CHODL: variants seen among roughly 807,000 people sequenced by gnomAD.
CHODL encodes the protein chondrolectin.
A neutral mutation model predicts 34.5 loss-of-function variants in CHODL; 29 were observed. The ratio of observed to expected loss-of-function variants is 0.84; its 90% CI spans 0.63 to 1.15. The LOEUF is 1.15. Ranked by LOEUF, CHODL falls within the 50% of genes most tolerant of loss-of-function variation. The pLI, the probability that CHODL is intolerant of heterozygous loss-of-function variation, is 0.00. For synonymous variants in CHODL, 125 were observed against 116.1 expected, an observed-to-expected ratio of 1.08 and a Z score of -0.49; for missense variants, 332 against 332.5, an observed-to-expected ratio of 1.00 and a Z score of 0.01.
chr21:17,996,749 A>G (rs2063853514), intron 1 of CHODL, among the ~76,000 whole-genome samples: 1 of 152,204 alleles, frequency 6.6e-6, no homozygotes. Flanking sequence ...AGACTGAAGT[A>G]CTTCATGAAT....
chr21:18,106,553 T>C (rs1406635031), intron 2 of CHODL, among the ~76,000 whole-genome samples: 2 of 151,184 alleles, frequency 1.3e-5, no homozygotes, highest in Non-Finnish European at 2.9e-5. Context: ...TGGAGTGCAG[T>C]GGCTTGATCT....
intron 1 of CHODL, among the ~76,000 whole-genome samples, chr21:17,980,949 C>T (rs1360737007): frequency 3.3e-5 from 5 of 152,138 alleles, no homozygotes; most frequent in African/African-American, 9.7e-5. Context: ...CTTGTTAATA[C>T]CTGTGTGACC....
chr21:17,922,796 T>C (rs982916889), intron 1 of CHODL, among the ~76,000 whole-genome samples: 3 of 152,126 alleles, frequency 2.0e-5, no homozygotes, highest in African/African-American at 7.2e-5. Context: ...TCTCAGTTAA[T>C]TTAGAGAGTT....
At chr21:17,979,966 C>G (rs1332524009) in intron 1 of CHODL, among the ~76,000 whole-genome samples, 2 of 152,016 alleles carry the variant, frequency 1.3e-5, no homozygotes, top group East Asian at 3.9e-4. Flanking sequence ...CAAAAATGTT[C>G]TATTCCATGA....
chr21:17,933,468 T>C (rs960898861), intron 1 of CHODL, among the ~76,000 whole-genome samples: 1 of 152,202 alleles, frequency 6.6e-6, no homozygotes, highest in African/African-American at 2.4e-5. Flanking sequence ...ACTTCAAGCA[T>C]CTGTTTAACA....
intron 2 of CHODL, among the ~76,000 whole-genome samples, chr21:18,048,861 G>A (rs573368518): frequency 2.8e-4 from 43 of 151,814 alleles, no homozygotes; most frequent in Non-Finnish European, 5.2e-4. Flanking sequence ...CTACTCTCCA[G>A]CCACTTTAGA....
At chr21:18,068,343 C>T (rs916383881) in intron 2 of CHODL, among the ~76,000 whole-genome samples, 1 of 151,818 alleles carries the variant, frequency 6.6e-6, no homozygotes. Context: ...TTTACAGGCA[C>T]CCGCCACTAC....
chr21:18,000,917 C>T (rs1465284435), intron 1 of CHODL, among the ~76,000 whole-genome samples: 2 of 152,012 alleles, frequency 1.3e-5, no homozygotes, highest in East Asian at 3.8e-4. Context: ...CAACACTGAA[C>T]TTTCCGAAAA....
chr21:18,155,618 G>A (rs2073024910), intron 2 of CHODL, among the ~76,000 whole-genome samples: 1 of 152,182 alleles, frequency 6.6e-6, no homozygotes, highest in South Asian at 2.1e-4. Flanking sequence ...GGTTGTTAGA[G>A]AAACCTTGTG....
At chr21:18,018,946 T>A (rs1224834027) in intron 1 of CHODL, among the ~76,000 whole-genome samples, 2 of 152,246 alleles carry the variant, frequency 1.3e-5, no homozygotes, top group East Asian at 3.8e-4. Flanking sequence ...AACCTTCTAA[T>A]ACCCTCCATG....
intron 1 of CHODL, among the ~76,000 whole-genome samples, chr21:18,003,059 G>T (rs1265317347): frequency 6.6e-6 from 1 of 151,036 alleles, no homozygotes; most frequent in Non-Finnish European, 1.5e-5. Context: ...GGGGGGCGGA[G>T]TGTGCAGTGA....
chr21:18,193,931 A>G (rs1466732352), intron 2 of CHODL, among the ~76,000 whole-genome samples: 1 of 151,906 alleles, frequency 6.6e-6, no homozygotes, highest in Non-Finnish European at 1.5e-5. Context: ...ACCATTATCC[A>G]TCGTCATTCA....
chr21:18,218,653 C>T (rs2073854103), intron 2 of CHODL, among the ~76,000 whole-genome samples: 1 of 152,176 alleles, frequency 6.6e-6, no homozygotes, highest in South Asian at 2.1e-4. Context: ...GTTTTTCTTT[C>T]CTATTTCGTT....
intron 1 of CHODL, among the ~76,000 whole-genome samples, chr21:18,010,465 C>T (rs7280233): frequency 2.6e-5 from 4 of 152,212 alleles, no homozygotes; most frequent in Admixed American, 1.3e-4. Context: ...CAGCAACTTA[C>T]TTGCGGCTTT....
chr21:18,140,388 G>A (rs1275639232), intron 2 of CHODL, among the ~76,000 whole-genome samples: 1 of 152,076 alleles, frequency 6.6e-6, no homozygotes, highest in Non-Finnish European at 1.5e-5. Context: ...TTTTATATAA[G>A]ACAAACCTAT....
chr21:18,048,563 A>G (rs2064473856), intron 2 of CHODL, among the ~76,000 whole-genome samples: 1 of 151,954 alleles, frequency 6.6e-6, no homozygotes, highest in Non-Finnish European at 1.5e-5. Context: ...AAAGAAAGAA[A>G]GAAAGAAAAA....
At chr21:18,103,639 A>G (rs1397952316) in intron 2 of CHODL, among the ~76,000 whole-genome samples, 3 of 152,068 alleles carry the variant, frequency 2.0e-5, no homozygotes, top group Non-Finnish European at 4.4e-5. Flanking sequence ...GACTTCTCTC[A>G]TGTGTCTGGA....
At chr21:18,201,306 T>C (rs568453293) in intron 2 of CHODL, among the ~76,000 whole-genome samples, 2 of 152,280 alleles carry the variant, frequency 1.3e-5, no homozygotes, top group African/African-American at 4.8e-5. Flanking sequence ...AAATGGGGAA[T>C]TGTTAAAATG....
intron 2 of CHODL, among the ~76,000 whole-genome samples, chr21:18,147,883 A>T (rs539246694): frequency 6.6e-6 from 1 of 152,366 alleles, no homozygotes; most frequent in East Asian, 1.9e-4. Flanking sequence ...GCTCAAGGTG[A>T]TGAATCATGA....
Sources: gnomAD v4.1 joint callset for allele counts (sites outside exome capture counted in the v4.1 genomes callset) on GRCh38, gnomAD v4.1.1 for gene constraint, MANE v1.5 for transcripts, NCBI Gene and HGNC (gene_info 2026-07-23, HGNC 2026-07-21) for gene names.